Variants in SLC24A2 observed in about 807,000 individuals in gnomAD.
SLC24A2 encodes sodium/potassium/calcium exchanger 2.
Under a neutral mutation model 62.0 loss-of-function variants are expected in SLC24A2, and 36 were observed. That is an observed-to-expected ratio of 0.58 (90% CI 0.44 to 0.77). SLC24A2 has a LOEUF of 0.77. Ranked by LOEUF, SLC24A2 falls within the 30% of genes least tolerant of loss-of-function variation. SLC24A2 has a pLI of 0.00. For missense variants in SLC24A2, 846 were observed against 817.9 expected (o/e 1.03, Z -0.42); for synonymous variants, 358 against 294.0 (o/e 1.22, Z -2.23).
chr9:19,937,359 G>A, the SLC24A2 span, among the ~76,000 whole-genome samples: 3 of 152,156 alleles, frequency 2.0e-5, no homozygotes, highest in Admixed American at 6.5e-5. Context: ...TGGTTTTCAC[G>A]TTTTGTTTTT....
the SLC24A2 span, among the ~76,000 whole-genome samples, chr9:19,962,322 G>C: frequency 6.6e-6 from 1 of 152,168 alleles, no homozygotes; most frequent in Admixed American, 6.5e-5. Context: ...TGTTCTTTTA[G>C]CTTAGGATTG....
At chr9:19,518,567 G>T (rs543170752) in intron 10 of SLC24A2, among the ~76,000 whole-genome samples, 2 of 151,698 alleles carry the variant, frequency 1.3e-5, no homozygotes, top group Non-Finnish European at 2.9e-5. Context: ...GACTGCAGGC[G>T]CACGCCACCA....
At chr9:19,938,543 C>G in the SLC24A2 span, among the ~76,000 whole-genome samples, 1 of 152,112 alleles carries the variant, frequency 6.6e-6, no homozygotes, top group Non-Finnish European at 1.5e-5. Context: ...CTGGAATAGT[C>G]TCCTTCTGCT....
the SLC24A2 span, among the ~76,000 whole-genome samples, chr9:20,203,705 A>G: frequency 1.3e-5 from 2 of 152,226 alleles, no homozygotes; most frequent in Admixed American, 1.3e-4. Context: ...AGAAGAAGAA[A>G]GAAGAAAGAA....
chr9:20,274,081 C>G, the SLC24A2 span, among the ~76,000 whole-genome samples: 52,971 of 152,078 alleles, frequency 0.35, 9,509 homozygotes, highest in South Asian at 0.43. Context: ...GTGCTAGACA[C>G]TGTTCTGAGC....
the SLC24A2 span, among the ~76,000 whole-genome samples, chr9:20,218,372 G>C: frequency 7.2e-5 from 11 of 152,018 alleles, no homozygotes; most frequent in African/African-American, 2.4e-4. Flanking sequence ...ACAATCCTTT[G>C]GATTTCTAGT....
the SLC24A2 span, among the ~76,000 whole-genome samples, chr9:20,179,178 G>A: frequency 1.3e-5 from 2 of 152,110 alleles, no homozygotes; most frequent in African/African-American, 2.4e-5. Context: ...ATGAGTAAGT[G>A]GAAGACGACT....
chr9:20,140,128 C>T, the SLC24A2 span, among the ~76,000 whole-genome samples: 6 of 152,138 alleles, frequency 3.9e-5, no homozygotes, highest in African/African-American at 1.2e-4. Context: ...TGAGATGCGG[C>T]GAGAGAGTTG....
chr9:19,563,834 C>CTCCG (rs1835535516), intron 7 of SLC24A2, among the ~76,000 whole-genome samples: 1 of 75,070 alleles, frequency 1.3e-5, no homozygotes. Flanking sequence ...TCCTCCCTCC[C>CTCCG]TCCCTCCCTC....
At chr9:19,853,679 G>A in the SLC24A2 span, among the ~76,000 whole-genome samples, 1 of 152,166 alleles carries the variant, frequency 6.6e-6, no homozygotes, top group Non-Finnish European at 1.5e-5. Context: ...TGGTGGATAA[G>A]CTTTTTTTAT....
chr9:20,081,624 TATAATA>T, the SLC24A2 span, among the ~76,000 whole-genome samples: 4 of 151,664 alleles, frequency 2.6e-5, no homozygotes, highest in African/African-American at 7.3e-5. Context: ...AAATTTAAAG[TATAATA>T]ATAATAATAA....
the SLC24A2 span, among the ~76,000 whole-genome samples, chr9:20,093,277 A>C: frequency 6.6e-6 from 1 of 151,858 alleles, no homozygotes; most frequent in Admixed American, 6.6e-5. Flanking sequence ...TCTCCATGTC[A>C]GTCAGGCTGG....
chr9:20,174,791 G>C, the SLC24A2 span, among the ~76,000 whole-genome samples: 1 of 151,958 alleles, frequency 6.6e-6, no homozygotes, highest in Non-Finnish European at 1.5e-5. Flanking sequence ...AAACAGTGTG[G>C]CAATTCCTTA....
the SLC24A2 span, among the ~76,000 whole-genome samples, chr9:19,901,894 T>G: frequency 1.0e-3 from 155 of 152,224 alleles, no homozygotes; most frequent in Non-Finnish European, 2.0e-3. Context: ...AGTTAGTCAG[T>G]AGGCAATGGT....
intron 4 of SLC24A2, among the ~76,000 whole-genome samples, chr9:19,617,489 C>G (rs1236541350): frequency 6.6e-6 from 1 of 152,090 alleles, no homozygotes; most frequent in East Asian, 1.9e-4. Context: ...TATATAGATA[C>G]AAGTACTAAA....
At chr9:20,271,670 G>A in the SLC24A2 span, among the ~76,000 whole-genome samples, 28 of 152,234 alleles carry the variant, frequency 1.8e-4, no homozygotes, top group Non-Finnish European at 3.2e-4. Flanking sequence ...TGACACAGAT[G>A]TTGAATTTTT....
intron 4 of SLC24A2, among the ~76,000 whole-genome samples, chr9:19,618,702 A>C (rs1817831720): frequency 6.6e-6 from 1 of 152,204 alleles, no homozygotes; most frequent in African/African-American, 2.4e-5. Flanking sequence ...CGACAATCAG[A>C]TCCCCTGGCT....
chr9:19,875,280 A>G, the SLC24A2 span, among the ~76,000 whole-genome samples: 3 of 152,182 alleles, frequency 2.0e-5, no homozygotes, highest in Non-Finnish European at 2.9e-5. Flanking sequence ...TGCTTAGTAG[A>G]TAACATTTTA....
rs1269493324 is a variant in SLC24A2, at chr9:19,513,170, ATATATG to A, written c.*2977_*2982del. On this transcript the variant is annotated 3_prime_UTR_variant, in exon 11 of 11. Transcript: ENST00000341998. ...GGTATAAAGATATATATATATATAT[ATATATG>A]TATATATATATATATGTATATATTT... 323 of 60,050 alleles carry A rather than the reference ATATATG, an allele frequency of 5.4e-3. 2 individuals are homozygous for A. The highest frequency in any genetic ancestry group is 0.015 in the East Asian group (25 of 1,636). The allele number at this position is 60,050 out of a possible 1,614,324, so 3.7% of individuals were successfully genotyped here. A position where few individuals can be genotyped will look rare whatever the true frequency, so the allele number is the denominator to read the frequency against.
Sources: allele counts gnomAD v4.1 joint callset (sites outside exome capture counted in the v4.1 genomes callset), GRCh38; gene constraint gnomAD v4.1.1; transcripts MANE v1.5; gene names NCBI Gene and HGNC (gene_info 2026-07-23, HGNC 2026-07-21).